The following PPA1 variants were observed in gnomAD, a reference collection of about 807,000 sequenced individuals.
PPA1 encodes inorganic pyrophosphatase.
PPA1 carries 23 observed loss-of-function variants against 41.8 expected under a neutral mutation model. That is an observed-to-expected ratio of 0.55 (90% CI 0.40 to 0.78). The LOEUF (loss-of-function observed/expected upper bound fraction) is 0.78. Ranked by LOEUF, PPA1 falls within the 30% of genes least tolerant of loss-of-function variation. The probability of loss-of-function intolerance (pLI) is 0.00; values close to 1 mark genes in which losing one functional copy is unlikely to be tolerated. For missense variants in PPA1, 320 were observed against 361.6 expected, an observed-to-expected ratio of 0.89 and a Z score of 0.93; for synonymous variants, 101 against 116.8, an observed-to-expected ratio of 0.86 and a Z score of 0.87.
chr10:70,204,219 C>CT (rs1156451748), intron 10 of PPA1: 1 of 152,116 alleles, frequency 6.6e-6, no homozygotes, highest in African/African-American at 2.4e-5. Context: ...TGGTGAAACT[C>CT]TATCTCTACA....
At chr10:70,223,657 C>A (rs956185201) in intron 2 of PPA1, among the ~76,000 whole-genome samples, 5 of 152,206 alleles carry the variant, frequency 3.3e-5, no homozygotes, top group African/African-American at 1.2e-4. Flanking sequence ...TTTTTCAGGG[C>A]AACTGATATG....
At chr10:70,214,907 G>GT (rs2136757712) in intron 4 of PPA1, among the ~76,000 whole-genome samples, 1 of 152,252 alleles carries the variant, frequency 6.6e-6, no homozygotes, top group Non-Finnish European at 1.5e-5. Flanking sequence ...AAGATGTGTG[G>GT]TTTTAGGCTG....
intron 2 of PPA1, among the ~76,000 whole-genome samples, chr10:70,220,005 G>C (rs765207606): frequency 3.3e-5 from 5 of 151,994 alleles, no homozygotes; most frequent in Non-Finnish European, 4.4e-5. Flanking sequence ...TTGGCTCACT[G>C]CAACCTCTGC....
At chr10:70,209,168 G>A in intron 8 of PPA1, 37 bp downstream of exon 8, 1 of 1,429,022 alleles carries the variant, frequency 7.0e-7, no homozygotes, top group Non-Finnish European at 9.8e-7. Context: ...AAGCTGGTCT[G>A]CTTTGTGTGT....
In PPA1 at chr10:70,203,049, G is replaced by C; in HGVS notation, c.*106C>G. ...GTCACAGCAGAATTTACTTTAGTTA[G>C]ATGAGTTCTACAAATTTAAAGCTTT... On this transcript the variant is annotated 3_prime_UTR_variant, in exon 11 of 11. Transcript: ENST00000373232. 8.9e-7 allele frequency: 1 copy of C among 1,129,276 alleles called. No individual in the cohort carries two copies. The highest frequency in any genetic ancestry group is 1.3e-6 in the Non-Finnish European group (1 of 758,684). The allele number at this position is 1,129,276 out of a possible 1,614,324, so 70.0% of individuals were successfully genotyped here.
At chr10:70,227,239 T>C (rs1431233471) in intron 2 of PPA1, among the ~76,000 whole-genome samples, 2 of 152,148 alleles carry the variant, frequency 1.3e-5, no homozygotes, top group African/African-American at 4.8e-5. Flanking sequence ...GCCTTTACCT[T>C]CTCTACCCAC....
At chr10:70,221,716 C>T (rs1840171681) in intron 2 of PPA1, among the ~76,000 whole-genome samples, 1 of 152,108 alleles carries the variant, frequency 6.6e-6, no homozygotes, top group African/African-American at 2.4e-5. Context: ...CAAGATGGAG[C>T]TGTTACGACA....
intron 6 of PPA1, among the ~76,000 whole-genome samples, chr10:70,211,070 T>C (rs1320851880): frequency 6.6e-6 from 1 of 152,190 alleles, no homozygotes; most frequent in Non-Finnish European, 1.5e-5. Flanking sequence ...GCCGCTTCAA[T>C]CCAATTTATA....
chr10:70,206,095 C>A lies in PPA1; in HGVS notation c.795+169G>T, dbSNP rs567044785. The stretch of plus-strand genomic sequence containing the variant: ...TCACTCCCTCAGCTTCTCCCTCAGT[C>A]AAATGGCCACTTGCATGTGTTCATG... On this transcript the variant is annotated intron_variant, in intron 9 of 10. Transcript: ENST00000373232. 92 of 601,434 alleles carry A rather than the reference C, an allele frequency of 1.5e-4. 1 individual carries two copies. In the South Asian group the frequency reaches 1.9e-3, roughly 13 times the overall value. The allele number at this position is 601,434 out of a possible 1,614,324, so 37.3% of individuals were successfully genotyped here.
chr10:70,226,593 A>G (rs1564586121), intron 2 of PPA1, among the ~76,000 whole-genome samples: 2 of 151,940 alleles, frequency 1.3e-5, no homozygotes, highest in Admixed American at 6.6e-5. Context: ...TATTTTTGCT[A>G]TTTTTTCTTT....
intron 2 of PPA1, among the ~76,000 whole-genome samples, chr10:70,227,572 G>A (rs1272689927): frequency 6.7e-6 from 1 of 148,976 alleles, no homozygotes; most frequent in African/African-American, 2.5e-5. Flanking sequence ...GATCACTTGT[G>A]CCTGAGAGGT....
At chr10:70,226,564 AAAAG>A (rs907295021) in intron 2 of PPA1, among the ~76,000 whole-genome samples, 2 of 152,202 alleles carry the variant, frequency 1.3e-5, no homozygotes, top group African/African-American at 4.8e-5. Context: ...AAAAAAAAGA[AAAAG>A]AAAGAAAAAG....
intron 3 of PPA1, 38 bp downstream of exon 3, chr10:70,218,726 T>TA (rs773401817): frequency 6.5e-7 from 1 of 1,528,058 alleles, no homozygotes; most frequent in Non-Finnish European, 9.1e-7. Context: ...TCAAAACCAA[T>TA]ATCCTAAGTC....
At position 70,220,970 on chromosome 10, in the gene PPA1, T is replaced by A. The variant is rs1421801745; in HGVS notation, c.124-2153A>T. 1.1e-3 allele frequency among the ~76,000 whole-genome samples: 47 copies of A among 41,586 alleles called. 1 individual carries two copies. The highest frequency in any genetic ancestry group is 0.015 in the Middle Eastern group (1 of 66). 27.3% of individuals were successfully genotyped at this position (41,586 alleles called of 152,430 possible). On this transcript the variant is annotated intron_variant, in intron 2 of 10. Transcript: ENST00000373232. The stretch of plus-strand genomic sequence containing the variant: ...ATTTATATATAATATATATAATTTT[T>A]ATATATATACTATATATATAATTTA...
chr10:70,207,444 G>C (rs1183417701), intron 8 of PPA1, among the ~76,000 whole-genome samples: 1 of 152,114 alleles, frequency 6.6e-6, no homozygotes, highest in African/African-American at 2.4e-5. Context: ...AGGTGTGAGA[G>C]GATCACTTAA....
In PPA1 at chr10:70,222,824, C is replaced by A. The variant is rs549992776; in HGVS notation, c.124-4007G>T. 5.3e-5 allele frequency among the ~76,000 whole-genome samples: 8 copies of A among 149,696 alleles called. No individual in the cohort carries two copies. The East Asian group carries it at 1.6e-3, about 30-fold the overall frequency. The stretch of plus-strand genomic sequence containing the variant: ...CATTAGGTATATCTCCTAATACTAT[C>A]CTTTCCCCCTCCCCCCACCCCACAA... On this transcript the variant is annotated intron_variant, in intron 2 of 10. Transcript: ENST00000373232.
chr10:70,230,050 A>T (rs558390844), intron 2 of PPA1, among the ~76,000 whole-genome samples: 1 of 152,232 alleles, frequency 6.6e-6, no homozygotes, highest in African/African-American at 2.4e-5. Flanking sequence ...CTGAGACTAC[A>T]GACACATGCC....
At chr10:70,223,351 C>T (rs1253066150) in intron 2 of PPA1, among the ~76,000 whole-genome samples, 1 of 151,962 alleles carries the variant, frequency 6.6e-6, no homozygotes, top group African/African-American at 2.4e-5. Context: ...AGTAGCTGGG[C>T]CTACAGGTGT....
At position 70,206,865 on chromosome 10, in the gene PPA1, AGGAGGGGAGGGGAGGGGAGG is replaced by A. The variant is rs77729015; in HGVS notation, c.726-552_726-533del. On this transcript the variant is annotated intron_variant, in intron 8 of 10. Coordinates refer to ENST00000373232, the MANE Select transcript of PPA1 (RefSeq NM_021129.4). ...TGCAATAAGGAGGAGAGGAGAGGAG[AGGAGGGGAGGGGAGGGGAGG>A]GGAGGGGAGGGGAGGAGAGGACGAA... is the stretch of plus-strand genomic sequence containing the variant. 1.5e-3 allele frequency among the ~76,000 whole-genome samples: 13 copies of A among 8,658 alleles called. No individual in the cohort carries two copies. In the Admixed American group the frequency reaches 0.024, roughly 16 times the overall value. 5.7% of individuals were successfully genotyped at this position (8,658 alleles called of 152,430 possible).
Sources: allele counts gnomAD v4.1 joint callset (sites outside exome capture counted in the v4.1 genomes callset), GRCh38; gene constraint gnomAD v4.1.1; transcripts MANE v1.5; gene names NCBI Gene and HGNC (gene_info 2026-07-23, HGNC 2026-07-21).